Variants in TENM2 observed in about 807,000 individuals in gnomAD.
The protein encoded by TENM2 is teneurin-2.
A neutral mutation model predicts 245.2 loss-of-function variants in TENM2; 52 were observed. That is an observed-to-expected ratio of 0.21 (90% CI 0.17 to 0.27). The LOEUF (loss-of-function observed/expected upper bound fraction) is 0.27. Ranked by LOEUF, TENM2 falls within the 10% of genes least tolerant of loss-of-function variation. The pLI is 1.00. For missense variants in TENM2, 3,046 were observed against 3,666.8 expected (o/e 0.83, Z 4.37); for synonymous variants, 1,363 against 1,438.9 (o/e 0.95, Z 1.19).
In TENM2 at chr5:168,052,126, A is replaced by C. The variant is rs149750334; in HGVS notation, c.1309+4577A>C. ...AAAAATATAAAAATAGGCCAGGTGCAGTGGCTCATGCCTGTAATCCCAGCA... is the reference window on the plus strand; with the variant it reads ...AAAAATATAAAAATAGGCCAGGTGCCGTGGCTCATGCCTGTAATCCCAGCA... On this transcript the variant is annotated intron_variant, in intron 6 of 28. Coordinates refer to ENST00000518659, the Ensembl canonical transcript of TENM2. Among the ~76,000 whole-genome samples, 597 of 152,126 alleles carry C rather than the reference A, an allele frequency of 3.9e-3. 4 individuals are homozygous for C. The highest frequency in any genetic ancestry group is 0.014 in the African/African-American group (568 of 41,524).
At chr5:167,283,856 T>G (rs1275472875), upstream of TENM2, among the ~76,000 whole-genome samples, 1 of 152,138 alleles carries the variant, frequency 6.6e-6, no homozygotes, top group Non-Finnish European at 1.5e-5. Flanking sequence ...GTTTTCTGAG[T>G]GATGTTTGGC....
chr5:167,379,448 C>T (rs2083924447), intron 2 of TENM2, among the ~76,000 whole-genome samples: 1 of 152,124 alleles, frequency 6.6e-6, no homozygotes, highest in South Asian at 2.1e-4. Context: ...ATTCATTTGT[C>T]ATTTAAGGTG....
intron 25 of TENM2, among the ~76,000 whole-genome samples, chr5:168,243,948 T>C (rs1412971294): frequency 2.0e-5 from 3 of 149,314 alleles, no homozygotes; most frequent in African/African-American, 7.3e-5. Flanking sequence ...TTTTTTTTTT[T>C]TTTTTTTTTA....
chr5:167,926,490 C>A (rs558871572), intron 3 of TENM2, among the ~76,000 whole-genome samples: 1 of 152,070 alleles, frequency 6.6e-6, no homozygotes, highest in Non-Finnish European at 1.5e-5. Context: ...GAGGCCAAGG[C>A]GGACAGATCA....
the TENM2 span, among the ~76,000 whole-genome samples, chr5:167,199,097 T>TAAAAAA: frequency 5.7e-4 from 45 of 79,304 alleles, no homozygotes; most frequent in African/African-American, 6.8e-4. Flanking sequence ...TGATATGAAG[T>TAAAAAA]AAAAAAAAAA....
At chr5:167,723,941 A>G (rs1204520763) in intron 2 of TENM2, among the ~76,000 whole-genome samples, 2 of 152,206 alleles carry the variant, frequency 1.3e-5, no homozygotes, top group African/African-American at 4.8e-5. Flanking sequence ...AAGGCTGTGA[A>G]CTTTAGTGTT....
At chr5:167,219,582 C>G in the TENM2 span, among the ~76,000 whole-genome samples, 1 of 152,156 alleles carries the variant, frequency 6.6e-6, no homozygotes, top group Non-Finnish European at 1.5e-5. Flanking sequence ...CTGTTTAGCC[C>G]TATGTTTGTG....
chr5:167,195,325 T>C, the TENM2 span, among the ~76,000 whole-genome samples: 6 of 152,208 alleles, frequency 3.9e-5, no homozygotes, highest in East Asian at 1.2e-3. Context: ...CTCAGTCACC[T>C]ACAAGAGACC....
At chr5:167,034,153 A>C in the TENM2 span, among the ~76,000 whole-genome samples, 1 of 152,178 alleles carries the variant, frequency 6.6e-6, no homozygotes, top group African/African-American at 2.4e-5. Context: ...AACTAAGACT[A>C]GCCCTTTGGT....
rs187084353 is a variant in TENM2 at position 167,326,360 on chromosome 5, A to G, written c.226+41297A>G. On this transcript the variant is annotated intron_variant, in intron 1 of 28. Coordinates refer to ENST00000518659, the Ensembl canonical transcript of TENM2. ...CTGGAAATGGCCAAAAATCGTAGTA[A>G]TTTTATACGTACTCTTAAAATAGGA... 4.0e-3 allele frequency among the ~76,000 whole-genome samples: 612 copies of G among 152,194 alleles called. 3 individuals are homozygous for G. The highest frequency in any genetic ancestry group is 0.014 in the African/African-American group (591 of 41,528).
At chr5:167,246,512 A>G in the TENM2 span, among the ~76,000 whole-genome samples, 2 of 152,042 alleles carry the variant, frequency 1.3e-5, no homozygotes, top group Non-Finnish European at 2.9e-5. Context: ...AATATTTGTT[A>G]TAGTATATTT....
the TENM2 span, among the ~76,000 whole-genome samples, chr5:167,144,105 A>C: frequency 6.6e-6 from 1 of 152,164 alleles, no homozygotes; most frequent in Non-Finnish European, 1.5e-5. Context: ...ATAAAAGCTT[A>C]GTTTCCCCAA....
rs2152215296 is a variant in TENM2, at chr5:168,084,375, A to G, written c.1516-6199A>G. 1.3e-5 allele frequency among the ~76,000 whole-genome samples: 2 copies of G among 152,346 alleles called. 1 individual carries two copies. Among genetic ancestry groups the G allele is most frequent in the South Asian group, 4.1e-4 (2 of 4,830 alleles). On this transcript the variant is annotated intron_variant, in intron 7 of 28. Coordinates refer to ENST00000518659, the Ensembl canonical transcript of TENM2. ...GCTGAATTAATTCACATTCCCATCA[A>G]CAGTGTGTAAGTGTTCACTTTTCTT...
At chr5:167,363,050 A>T (rs574052089) in intron 1 of TENM2, among the ~76,000 whole-genome samples, 20 of 152,314 alleles carry the variant, frequency 1.3e-4, no homozygotes, top group African/African-American at 3.6e-4. Flanking sequence ...GCTTGATCAG[A>T]ACAACAACAA....
chr5:167,035,297 C>A, the TENM2 span, among the ~76,000 whole-genome samples: 1 of 152,002 alleles, frequency 6.6e-6, no homozygotes, highest in Non-Finnish European at 1.5e-5. Flanking sequence ...AGTCAATATA[C>A]ACATTGGTTT....
intron 2 of TENM2, among the ~76,000 whole-genome samples, chr5:167,490,189 A>G (rs903421567): frequency 9.2e-5 from 14 of 152,128 alleles, no homozygotes; most frequent in African/African-American, 3.4e-4. Flanking sequence ...TTCCCAGCAC[A>G]CTGAGCCACA....
chr5:167,635,631 G>GTTTTTTT (rs1561623173), intron 2 of TENM2, among the ~76,000 whole-genome samples: 9 of 90,964 alleles, frequency 9.9e-5, no homozygotes, highest in South Asian at 4.8e-4. Context: ...GATCAGTACA[G>GTTTTTTT]TCTTTTTTTT....
At chr5:168,242,953 T>C (rs1169330779) in intron 25 of TENM2, among the ~76,000 whole-genome samples, 3 of 146,644 alleles carry the variant, frequency 2.0e-5, no homozygotes, top group Non-Finnish European at 4.5e-5. Flanking sequence ...TGAGACTCTA[T>C]CTCAAAAAAA....
chr5:167,921,294 AAG>A (rs1777352838), intron 3 of TENM2, among the ~76,000 whole-genome samples: 1 of 152,218 alleles, frequency 6.6e-6, no homozygotes, highest in Non-Finnish European at 1.5e-5. Context: ...TACAGAAAAA[AAG>A]AGAGTTTGTG....
Sources: gnomAD v4.1 joint callset for allele counts (sites outside exome capture counted in the v4.1 genomes callset) on GRCh38, gnomAD v4.1.1 for gene constraint, MANE v1.5 for transcripts, NCBI Gene and HGNC (gene_info 2026-07-23, HGNC 2026-07-21) for gene names.